FBXL2: variants seen among roughly 807,000 people sequenced by gnomAD.
The protein encoded by FBXL2 is F-box and leucine rich repeat protein 2, also known as F-box/LRR-repeat protein 2.
In FBXL2, 38 loss-of-function variants were observed where a neutral mutation model predicts 69.2. The observed-to-expected ratio is 0.55, with a 90% confidence interval of 0.42 to 0.72. FBXL2 has a LOEUF of 0.72. Among genes scored for constraint, FBXL2 ranks in the 30% least tolerant of loss-of-function variants. FBXL2 has a pLI of 0.00. For missense variants in FBXL2, 354 were observed against 520.3 expected (o/e 0.68, Z 3.11); for synonymous variants, 192 against 201.3 (o/e 0.95, Z 0.39).
intron 2 of FBXL2, among the ~76,000 whole-genome samples, chr3:33,336,225 T>C (rs995002134): frequency 6.6e-6 from 1 of 151,594 alleles, no homozygotes; most frequent in South Asian, 2.1e-4. Flanking sequence ...CAACACAGAG[T>C]AGTATATTAG....
At position 33,378,060 on chromosome 3, in the gene FBXL2, A is replaced by G. The variant is rs569773472; in HGVS notation, c.850-43A>G. 67 of 1,598,940 alleles carry G rather than the reference A, an allele frequency of 4.2e-5. No homozygotes were observed. The South Asian group carries it at 6.4e-4, about 15-fold the overall frequency. On this transcript the variant is annotated intron_variant, in intron 11 of 14. Transcript: ENST00000484457. Reference sequence around the variant, plus strand: ...AGGGCAAGCCACCATTGTTGCTGTCACCACTGACTCACATGTGGGGTGTGT... The same window carrying G: ...AGGGCAAGCCACCATTGTTGCTGTCGCCACTGACTCACATGTGGGGTGTGT...
rs138504132 is a variant in FBXL2, at chr3:33,384,178, C to T, written c.1141C>T (p.Arg381Cys). The part of the protein sequence containing the change: ...LELYDCQQVT[R>C]AGIKRMRAQL... ...GCTGTACGACTGCCAGCAGGTTACCCGTGCAGGCATCAAGCGGATGCGGGT... is the reference window on the plus strand; with the variant it reads ...GCTGTACGACTGCCAGCAGGTTACCTGTGCAGGCATCAAGCGGATGCGGGT... The change falls in exon 14 of 15, where the codon CGT (arginine) becomes TGT (cysteine). Residue 381 changes from arginine to cysteine, a missense_variant. Transcript: ENST00000484457. The T allele has an allele frequency of 6.2e-7, 1 of 1,614,084 alleles. No homozygotes were observed. Among genetic ancestry groups the T allele is most frequent in the Non-Finnish European group, 8.5e-7 (1 of 1,180,032 alleles).
chr3:33,306,517 T>C (rs1216058043), intron 2 of FBXL2, among the ~76,000 whole-genome samples: 1 of 152,118 alleles, frequency 6.6e-6, no homozygotes, highest in Non-Finnish European at 1.5e-5. Context: ...GTCTTGCCCA[T>C]CTAAAAAAAA....
At chr3:33,410,653 T>C in the FBXL2 span, among the ~76,000 whole-genome samples, 3 of 152,224 alleles carry the variant, frequency 2.0e-5, no homozygotes, top group South Asian at 2.1e-4. Context: ...AATTTGAACA[T>C]TGTGGGTATT....
intron 2 of FBXL2, among the ~76,000 whole-genome samples, chr3:33,303,852 A>G (rs2036494767): frequency 6.6e-6 from 1 of 152,068 alleles, no homozygotes; most frequent in Non-Finnish European, 1.5e-5. Context: ...AGAAATACAA[A>G]TGGCTAATAA....
chr3:33,396,918 G>T, intron 12 of FBXL2: 1 of 842,204 alleles, frequency 1.2e-6, no homozygotes, highest in Non-Finnish European at 2.0e-6. Context: ...TGAGCACAAT[G>T]CTGCCAATGC....
At chr3:33,281,869 GT>G in intron 1 of FBXL2, among the ~76,000 whole-genome samples, 1 of 152,194 alleles carries the variant, frequency 6.6e-6, no homozygotes, top group Non-Finnish European at 1.5e-5. Flanking sequence ...GTTCATATCC[GT>G]TGCCCAGTTG....
intron 2 of FBXL2, among the ~76,000 whole-genome samples, chr3:33,330,402 G>C (rs911134243): frequency 6.6e-6 from 1 of 152,160 alleles, no homozygotes; most frequent in Non-Finnish European, 1.5e-5. Context: ...CAAATATACA[G>C]TTAGAAGAAA....
chr3:33,383,797 A>G (rs975861483), intron 13 of FBXL2, 192 bp from the exon 14 acceptor site: 29 of 583,858 alleles, frequency 5.0e-5, no homozygotes, highest in Non-Finnish European at 7.6e-5. Flanking sequence ...TACAGACTGG[A>G]TAATTTGTAA....
At chr3:33,343,534 A>G in intron 2 of FBXL2, among the ~76,000 whole-genome samples, 1 of 152,144 alleles carries the variant, frequency 6.6e-6, no homozygotes, top group East Asian at 1.9e-4. Flanking sequence ...ATGAAGCAAT[A>G]AAAATATTTT....
chr3:33,285,860 G>T (rs1200115787), intron 1 of FBXL2, among the ~76,000 whole-genome samples: 1 of 152,042 alleles, frequency 6.6e-6, no homozygotes, highest in Admixed American at 6.6e-5. Context: ...GCATCACGTG[G>T]TTCTCATGCC....
intron 1 of FBXL2, among the ~76,000 whole-genome samples, chr3:33,284,177 G>A (rs1005062363): frequency 2.6e-5 from 4 of 152,112 alleles, no homozygotes; most frequent in African/African-American, 9.7e-5. Context: ...GCTTTCTCTT[G>A]TGGGCATTTA....
chr3:33,383,299 T>A (rs1211751470), intron 13 of FBXL2: 3 of 152,512 alleles, frequency 2.0e-5, no homozygotes, highest in African/African-American at 7.2e-5. Context: ...GTGGGGTGAA[T>A]CTTACATTTG....
intron 2 of FBXL2, among the ~76,000 whole-genome samples, chr3:33,354,632 GA>G (rs779792310): frequency 5.6e-4 from 85 of 150,696 alleles, no homozygotes; most frequent in Admixed American, 1.1e-3. Context: ...TGAAAGGCAG[GA>G]AAAAAAAACC....
At chr3:33,378,082 G>A (rs901700751) in intron 11 of FBXL2, 21 bp from the exon 12 acceptor site, 4 of 1,613,900 alleles carry the variant, frequency 2.5e-6, no homozygotes, top group Non-Finnish European at 3.4e-6. Flanking sequence ...CATGTGGGGT[G>A]TGTCTTGTGG....
intron 2 of FBXL2, among the ~76,000 whole-genome samples, chr3:33,356,916 G>A (rs1314040485): frequency 6.6e-6 from 1 of 152,172 alleles, no homozygotes; most frequent in Non-Finnish European, 1.5e-5. Flanking sequence ...GCCCAATCCT[G>A]AGGGAAAAGC....
At chr3:33,367,111 T>G (rs988087064) in intron 5 of FBXL2, among the ~76,000 whole-genome samples, 18 of 152,248 alleles carry the variant, frequency 1.2e-4, no homozygotes, top group African/African-American at 4.3e-4. Context: ...TTTTTTTCTT[T>G]TTAGATGGAG....
intron 2 of FBXL2, among the ~76,000 whole-genome samples, chr3:33,325,381 C>T (rs12496608): frequency 1.3e-4 from 20 of 152,012 alleles, no homozygotes; most frequent in Admixed American, 2.0e-4. Context: ...GTTTTCAAAG[C>T]GAATGCTTCC....
At chr3:33,396,108 G>T in intron 12 of FBXL2, 1 of 1,452,598 alleles carries the variant, frequency 6.9e-7, no homozygotes, top group Non-Finnish European at 9.4e-7. Context: ...AGTCCTTTCC[G>T]TTTCTGTCTG....
Sources: allele counts gnomAD v4.1 joint callset (sites outside exome capture counted in the v4.1 genomes callset), GRCh38; gene constraint gnomAD v4.1.1; transcripts MANE v1.5; gene names NCBI Gene and HGNC (gene_info 2026-07-23, HGNC 2026-07-21).